CCDC122: variants seen among roughly 807,000 people sequenced by gnomAD.
The protein encoded by CCDC122 is coiled-coil domain containing 122, also known as coiled-coil domain-containing protein 122.
In CCDC122, 38 loss-of-function variants were observed where a neutral mutation model predicts 37.0. That is an observed-to-expected ratio of 1.03 (90% confidence interval 0.79 to 1.35). The LOEUF (loss-of-function observed/expected upper bound fraction) is 1.35. CCDC122 is among the 40% of genes most tolerant of loss of function. The pLI, the probability that CCDC122 is intolerant of heterozygous loss-of-function variation, is 0.00. For missense variants in CCDC122, 305 were observed against 310.0 expected (o/e 0.98, Z 0.12); for synonymous variants, 83 against 95.6 (o/e 0.87, Z 0.77).
chr13:43,820,639 C>G (rs1360362707), downstream of CCDC122, among the ~76,000 whole-genome samples: 2 of 152,142 alleles, frequency 1.3e-5, no homozygotes, highest in Non-Finnish European at 2.9e-5. Flanking sequence ...GCTTCTTATT[C>G]TAAAAATTGA....
Position 43,859,939 on chromosome 13 carries a change from T to A in CCDC122, c.288A>T (p.Gln96His). The change falls in exon 5 of 7, where the codon CAA becomes CAT. Residue 96 changes from glutamine to histidine, a missense_variant. Gln to His is a conservative substitution (Grantham distance 24, BLOSUM62 0). Coordinates refer to ENST00000444614, the MANE Select transcript of CCDC122 (RefSeq NM_144974.5). ...CATTTTCTGAATGTAAGGATTTGAT[T>A]TGAGTTTCCAGGCTATCACAATGAA... ...TKLHCDSLET[Q>H]IKSLHSENVK... 1 of 1,611,558 alleles carries A rather than the reference T, an allele frequency of 6.2e-7. No homozygotes were observed. Among genetic ancestry groups the A allele is most frequent in the South Asian group, 1.1e-5 (1 of 90,510 alleles).
chr13:43,834,860 T>A (rs1369473573), downstream of CCDC122, among the ~76,000 whole-genome samples: 2 of 152,086 alleles, frequency 1.3e-5, no homozygotes, highest in Non-Finnish European at 2.9e-5. Context: ...ACACTGTTGG[T>A]GGGACTGTAA....
chr13:43,832,960 T>C (rs1953103836), downstream of CCDC122, among the ~76,000 whole-genome samples: 3 of 152,238 alleles, frequency 2.0e-5, no homozygotes, highest in East Asian at 3.8e-4. Flanking sequence ...TTTAGTGTTG[T>C]TATTTTGTAT....
intron 2 of CCDC122, among the ~76,000 whole-genome samples, chr13:43,870,342 T>C (rs966575993): frequency 2.4e-4 from 36 of 152,278 alleles, no homozygotes; most frequent in African/African-American, 8.7e-4. Context: ...ACTCCGTTCA[T>C]GTTACATCCT....
intron 4 of CCDC122, among the ~76,000 whole-genome samples, chr13:43,868,314 G>A (rs1308412644): frequency 6.6e-6 from 1 of 152,032 alleles, no homozygotes; most frequent in East Asian, 1.9e-4. Context: ...CATAGAGGGA[G>A]GCTACTTGAA....
At chr13:43,846,820 A>G (rs1953553176) in intron 6 of CCDC122, among the ~76,000 whole-genome samples, 1 of 152,242 alleles carries the variant, frequency 6.6e-6, no homozygotes, top group Non-Finnish European at 1.5e-5. Flanking sequence ...GGGGCTTCCA[A>G]TAAGGAAAAA....
chr13:43,841,424 C>G (rs555128210), intron 6 of CCDC122, among the ~76,000 whole-genome samples: 4 of 152,236 alleles, frequency 2.6e-5, no homozygotes, highest in Admixed American at 2.6e-4. Flanking sequence ...TTGAAACTTT[C>G]ATCATTCTAG....
chr13:43,838,084 G>A (rs945499741), intron 6 of CCDC122, among the ~76,000 whole-genome samples: 10 of 152,064 alleles, frequency 6.6e-5, no homozygotes, highest in African/African-American at 2.4e-4. Flanking sequence ...GTCCATAAAT[G>A]TTGCCTGCCC....
chr13:43,853,324 A>C, intron 6 of CCDC122, among the ~76,000 whole-genome samples: 1 of 152,230 alleles, frequency 6.6e-6, no homozygotes, highest in South Asian at 2.1e-4. Flanking sequence ...ACAGAAAAAA[A>C]ATCAGGAGTT....
chr13:43,828,790 T>A (rs910104453), intron 3 of CCDC122, among the ~76,000 whole-genome samples: 2 of 152,138 alleles, frequency 1.3e-5, no homozygotes, highest in African/African-American at 4.8e-5. Context: ...AATAAATAAA[T>A]TTAGTTCTTT....
chr13:43,825,944 T>C (rs1402012243), intron 3 of CCDC122, among the ~76,000 whole-genome samples: 1 of 152,042 alleles, frequency 6.6e-6, no homozygotes, highest in East Asian at 1.9e-4. Flanking sequence ...AAAATAAACA[T>C]TTTTAGAAAA....
chr13:43,848,051 A>G (rs1374997649), intron 6 of CCDC122, among the ~76,000 whole-genome samples: 6 of 152,194 alleles, frequency 3.9e-5, no homozygotes, highest in African/African-American at 1.4e-4. Flanking sequence ...CTGGGATTAC[A>G]GGTATGAGCC....
rs184315055 is a variant in CCDC122, at chr13:43,875,256, G to T, written c.-199-329C>A. Among the ~76,000 whole-genome samples the T allele has an allele frequency of 5.3e-5, 8 of 152,212 alleles. No individual in the cohort carries two copies. In the East Asian group the frequency reaches 1.5e-3, roughly 29 times the overall value. On this transcript the variant is annotated intron_variant, in intron 1 of 6. Transcript: ENST00000444614. ...TGCTTGTCTCATTCAGAGAGGCAAG[G>T]GGCAAGGTCTTTTATTTCCTCCCCC...
intron 3 of CCDC122, among the ~76,000 whole-genome samples, chr13:43,829,441 G>T (rs1380027971): frequency 6.6e-6 from 1 of 152,132 alleles, no homozygotes; most frequent in Non-Finnish European, 1.5e-5. Context: ...GAGTAGCTGA[G>T]ACTACAGGCG....
chr13:43,849,181 T>G, intron 6 of CCDC122: 1 of 572,314 alleles, frequency 1.7e-6, no homozygotes, highest in Non-Finnish European at 2.2e-6. Context: ...AATGAAAAAG[T>G]TCAAAAGAAT....
intron 6 of CCDC122, among the ~76,000 whole-genome samples, chr13:43,844,621 T>C (rs1953458391): frequency 6.6e-6 from 1 of 152,126 alleles, no homozygotes; most frequent in African/African-American, 2.4e-5. Flanking sequence ...TGTCTCTTTT[T>C]TTCTTTGGTT....
In CCDC122 at chr13:43,850,578, A is replaced by T. The variant is rs149446497; in HGVS notation, c.672+8203T>A. Among the ~76,000 whole-genome samples the T allele has an allele frequency of 2.9e-4, 44 of 152,332 alleles. No homozygotes were observed. The East Asian group carries it at 8.5e-3, about 29-fold the overall frequency. On this transcript the variant is annotated intron_variant, in intron 6 of 6. Coordinates refer to ENST00000444614, the MANE Select transcript of CCDC122 (RefSeq NM_144974.5). ...CAAGAGTGGATGGGAGAACAGATAA[A>T]CTAATCAGTTAACTGAAAAATAGAA...
Position 43,869,788 on chromosome 13 carries a change from T to C in CCDC122, c.-113-299A>G, listed in dbSNP as rs375311399. ...CATAATTATTTTGGGTTAGTATTAA[T>C]AGTATGTAACTCCAGTACTATGATG... On this transcript the variant is annotated intron_variant, in intron 2 of 6. Transcript: ENST00000444614. Among the ~76,000 whole-genome samples, 10 of 152,078 alleles carry C rather than the reference T, an allele frequency of 6.6e-5. No homozygotes were observed. The East Asian group carries it at 9.6e-4, about 15-fold the overall frequency.
intron 6 of CCDC122, among the ~76,000 whole-genome samples, chr13:43,857,903 A>T (rs1416910410): frequency 6.6e-6 from 1 of 152,142 alleles, no homozygotes; most frequent in East Asian, 1.9e-4. Flanking sequence ...ACTCCGTCTC[A>T]AAAATAAAGA....
Sources: gnomAD v4.1 joint callset for allele counts (sites outside exome capture counted in the v4.1 genomes callset) on GRCh38, gnomAD v4.1.1 for gene constraint, MANE v1.5 for transcripts, NCBI Gene and HGNC (gene_info 2026-07-23, HGNC 2026-07-21) for gene names.